The following ERC1 variants were observed in gnomAD, a reference collection of about 807,000 sequenced individuals.
ERC1 encodes the protein RAB6 interacting protein 2.
ERC1 carries 56 observed loss-of-function variants against 132.0 expected under a neutral mutation model. That is an observed-to-expected ratio of 0.42 (90% CI 0.34 to 0.53). The LOEUF (loss-of-function observed/expected upper bound fraction) is 0.53. Among genes scored for constraint, ERC1 ranks in the 20% least tolerant of loss-of-function variants. The pLI, the probability that ERC1 is intolerant of heterozygous loss-of-function variation, is 0.03. For synonymous variants in ERC1, 478 were observed against 476.1 expected (o/e 1.00, Z -0.05); for missense variants, 1,202 against 1,349.9 (o/e 0.89, Z 1.72).
chr12:1,371,198 CCT>C (rs1283329669), intron 15 of ERC1, among the ~76,000 whole-genome samples: 1 of 54,662 alleles, frequency 1.8e-5, no homozygotes, highest in Non-Finnish European at 3.5e-5. Context: ...CCCATTTCCC[CCT>C]CTCTCCTCTG....
In ERC1 at chr12:1,083,527, C is replaced by T. The variant is rs1297869040; in HGVS notation, c.1033C>T (p.His345Tyr). 1.2e-6 allele frequency: 2 copies of T among 1,613,230 alleles called. No individual in the cohort carries two copies. The highest frequency in any genetic ancestry group is 4.5e-5 in the East Asian group (2 of 44,886). The change falls in exon 3 of 19, where the codon CAC becomes TAC. Residue 345 changes from histidine (H) to tyrosine (Y), a missense_variant. Physicochemically the swap from His to Tyr is moderately conservative, Grantham distance 83. Coordinates refer to ENST00000360905, the MANE Select transcript of ERC1 (RefSeq NM_178040.4). Reference sequence around the variant, plus strand: ...GGCAGAGGCAGAGATGCACGTTCATCACCTAGAAAGCCTTTTGGAGCAGAA... The same window carrying T: ...GGCAGAGGCAGAGATGCACGTTCATTACCTAGAAAGCCTTTTGGAGCAGAA... ...RLAEAEMHVH[H>Y]LESLLEQKEK...
At chr12:1,374,981 A>G (rs531793910) in intron 16 of ERC1, among the ~76,000 whole-genome samples, 1 of 152,198 alleles carries the variant, frequency 6.6e-6, no homozygotes, top group East Asian at 1.9e-4. Context: ...GTCACACCAT[A>G]TATTCTTTGA....
intron 17 of ERC1, chr12:1,430,198 C>T (rs1435393453): frequency 1.3e-5 from 2 of 152,164 alleles, no homozygotes; most frequent in East Asian, 3.9e-4. Context: ...ATGAGTGATC[C>T]AAGAGATGAG....
At chr12:1,250,657 T>C (rs2076418074) in intron 13 of ERC1, among the ~76,000 whole-genome samples, 1 of 152,188 alleles carries the variant, frequency 6.6e-6, no homozygotes, top group Non-Finnish European at 1.5e-5. Flanking sequence ...AAGAGCCTTG[T>C]ATGTTTTAAC....
At chr12:1,443,033 G>C (rs138150352) in intron 17 of ERC1, among the ~76,000 whole-genome samples, 2 of 149,528 alleles carry the variant, frequency 1.3e-5, no homozygotes, top group Admixed American at 1.3e-4. Flanking sequence ...TCTGCCTCCC[G>C]AGTAGCTGGG....
intron 15 of ERC1, among the ~76,000 whole-genome samples, chr12:1,352,615 C>A (rs1278794298): frequency 2.7e-5 from 4 of 150,838 alleles, no homozygotes; most frequent in African/African-American, 5.0e-5. Flanking sequence ...AGTAAACCCC[C>A]CACACACACA....
intron 1 of ERC1, among the ~76,000 whole-genome samples, chr12:1,000,442 C>T (rs917792938): frequency 1.3e-4 from 19 of 150,388 alleles, no homozygotes; most frequent in African/African-American, 4.4e-4. Context: ...ACTGGGATTA[C>T]ACCACTGCAC....
chr12:1,106,648 C>T (rs1414422121), intron 4 of ERC1, among the ~76,000 whole-genome samples: 5 of 151,276 alleles, frequency 3.3e-5, no homozygotes, highest in Admixed American at 3.3e-4. Flanking sequence ...TTGTAAAGGG[C>T]CTTTAGAATC....
intron 16 of ERC1, among the ~76,000 whole-genome samples, chr12:1,392,896 G>C (rs1353865159): frequency 6.6e-6 from 1 of 152,160 alleles, no homozygotes; most frequent in Non-Finnish European, 1.5e-5. Flanking sequence ...AAAATCAAGA[G>C]TGCAATAGTA....
intron 12 of ERC1, among the ~76,000 whole-genome samples, chr12:1,220,446 C>T (rs1371097229): frequency 2.6e-5 from 4 of 152,118 alleles, no homozygotes; most frequent in Admixed American, 2.6e-4. Context: ...AGAATGCATG[C>T]TAGTTTTAAA....
chr12:1,139,606 G>C (rs908117586), intron 7 of ERC1, among the ~76,000 whole-genome samples: 8 of 152,102 alleles, frequency 5.3e-5, no homozygotes, highest in Non-Finnish European at 8.8e-5. Flanking sequence ...GACAAGGGGG[G>C]ATTACTGTAT....
chr12:1,252,440 G>A (rs1447345220), intron 13 of ERC1, among the ~76,000 whole-genome samples: 1 of 152,092 alleles, frequency 6.6e-6, no homozygotes, highest in Non-Finnish European at 1.5e-5. Context: ...CTAGGATTAG[G>A]TAAACTCCAT....
intron 14 of ERC1, among the ~76,000 whole-genome samples, chr12:1,273,277 A>G (rs2078009054): frequency 2.0e-5 from 3 of 152,222 alleles, no homozygotes; most frequent in Admixed American, 6.5e-5. Flanking sequence ...TTTCTCTTAA[A>G]CAGTCACACA....
intron 7 of ERC1, among the ~76,000 whole-genome samples, chr12:1,140,366 G>A (rs531485678): frequency 5.9e-5 from 9 of 152,170 alleles, no homozygotes; most frequent in East Asian, 1.9e-4. Flanking sequence ...TAAAATGCAC[G>A]GGACTAGAAG....
Position 1,115,890 on chromosome 12 carries a change from T to C in ERC1, c.1426T>C (p.Ser476Pro). 1 of 1,614,040 alleles carries C rather than the reference T, an allele frequency of 6.2e-7. No individual in the cohort carries two copies. The highest frequency in any genetic ancestry group is 8.5e-7 in the Non-Finnish European group (1 of 1,179,972). ...GATTGGCCAGGTGAAACAGGAGCTG[T>C]CCAGAAAGGACACAGAACTACTCGC... ...AEIGQVKQEL[S>P]RKDTELLALQ... Residue 476 changes from serine (S) to proline (P), a missense_variant, in exon 7 of 19, where the codon TCC (serine) becomes CCC (proline). Coordinates refer to ENST00000360905, the MANE Select transcript of ERC1 (RefSeq NM_178040.4).
Position 1,333,534 on chromosome 12 carries a change from T to C in ERC1, c.2781-38299T>C, listed in dbSNP as rs185514425. 9.2e-5 allele frequency among the ~76,000 whole-genome samples: 14 copies of C among 152,156 alleles called. No individual in the cohort carries two copies. The East Asian group carries it at 2.5e-3, about 27-fold the overall frequency. On this transcript the variant is annotated intron_variant, in intron 15 of 18. Coordinates refer to ENST00000360905, the MANE Select transcript of ERC1 (RefSeq NM_178040.4). ...TTTTAGTAGAGACGGGGTTTCACCA[T>C]GTTGGCCACGGTGGTCTCGATCTCC... is the stretch of plus-strand genomic sequence containing the variant.
Position 1,129,365 on chromosome 12 carries a change from A to AG in ERC1, c.1570-12254dup, listed in dbSNP as rs1948531836. On this transcript the variant is annotated intron_variant, in intron 7 of 18. Transcript: ENST00000360905. ...ACAAAAAACTAACCAGGCAACAACA[A>AG]GAAAAAAAACTTACCAGGTGTGGTG... Among the ~76,000 whole-genome samples, 7 of 88,854 alleles carry AG rather than the reference A, an allele frequency of 7.9e-5. No individual in the cohort carries two copies. The South Asian group carries it at 4.8e-3, about 61-fold the overall frequency. 58.3% of individuals were successfully genotyped at this position (88,854 alleles called of 152,430 possible). A position where few individuals can be genotyped will look rare whatever the true frequency, so the allele number is the denominator to read the frequency against.
rs530433750 is a variant in ERC1 at position 1,129,845 on chromosome 12, A to G, written c.1570-11775A>G. 2.0e-3 allele frequency among the ~76,000 whole-genome samples: 297 copies of G among 151,766 alleles called. 2 individuals are homozygous for G. The highest frequency in any genetic ancestry group is 6.8e-3 in the African/African-American group (280 of 41,412). On this transcript the variant is annotated intron_variant, in intron 7 of 18. Transcript: ENST00000360905. ...AAAGAATGAGATGCAAGAAAAAAAAACAGGAGATGAAAAGGCATTAATGTA... is the reference window on the plus strand; with the variant it reads ...AAAGAATGAGATGCAAGAAAAAAAAGCAGGAGATGAAAAGGCATTAATGTA...
chr12:1,270,739 AG>A (rs1210614883), intron 14 of ERC1, among the ~76,000 whole-genome samples: 8 of 151,780 alleles, frequency 5.3e-5, no homozygotes, highest in African/African-American at 1.9e-4. Context: ...AGAATTCTTA[AG>A]GGTTATGACC....
Sources: allele counts gnomAD v4.1 joint callset (sites outside exome capture counted in the v4.1 genomes callset), GRCh38; gene constraint gnomAD v4.1.1; transcripts MANE v1.5; gene names NCBI Gene and HGNC (gene_info 2026-07-23, HGNC 2026-07-21).